ANO10: variants seen among roughly 807,000 people sequenced by gnomAD.
The protein encoded by ANO10 is anoctamin-10.
In ANO10, 77 loss-of-function variants were observed where a neutral mutation model predicts 74.7. That is an observed-to-expected ratio of 1.03 (90% confidence interval 0.86 to 1.25). The LOEUF is 1.25. Among genes scored for constraint, ANO10 ranks in the 50% most tolerant of loss-of-function variants. The pLI is 0.00. For missense variants in ANO10, 721 were observed against 778.1 expected (o/e 0.93, Z 0.87); for synonymous variants, 279 against 284.9 (o/e 0.98, Z 0.21).
chr3:43,561,187 G>A (rs749364383), intron 9 of ANO10, 33 bp downstream of exon 9: 8 of 1,607,960 alleles, frequency 5.0e-6, no homozygotes, highest in Non-Finnish European at 6.8e-6. Flanking sequence ...TTCACTCTCA[G>A]TAAATGTTTA....
At chr3:43,380,479 G>A (rs966705417) in intron 12 of ANO10, among the ~76,000 whole-genome samples, 1 of 151,978 alleles carries the variant, frequency 6.6e-6, no homozygotes, top group Admixed American at 6.5e-5. Flanking sequence ...TAACCTATCA[G>A]ATTAACAGCA....
At chr3:43,586,849 G>T (rs1327796645) in intron 4 of ANO10, among the ~76,000 whole-genome samples, 1 of 152,020 alleles carries the variant, frequency 6.6e-6, no homozygotes, top group Admixed American at 6.6e-5. Flanking sequence ...TCAAAGTCAT[G>T]ATAAAAGCAA....
At chr3:43,432,170 CAG>C (rs2092993051) in intron 12 of ANO10, among the ~76,000 whole-genome samples, 1 of 149,240 alleles carries the variant, frequency 6.7e-6, no homozygotes, top group Non-Finnish European at 1.5e-5. Flanking sequence ...CACTGAGGCA[CAG>C]TTTCTCCTTT....
chr3:43,643,963 C>G (rs148456331), intron 1 of ANO10, among the ~76,000 whole-genome samples: 13 of 152,114 alleles, frequency 8.5e-5, no homozygotes, highest in Non-Finnish European at 2.9e-5. Context: ...GGATTACATG[C>G]GTGAGCCACC....
intron 11 of ANO10, among the ~76,000 whole-genome samples, chr3:43,458,809 T>TC (rs2075253460): frequency 6.6e-6 from 1 of 152,082 alleles, no homozygotes; most frequent in African/African-American, 2.4e-5. Context: ...CCCTCCCCTT[T>TC]CCCCCTACCC....
chr3:43,642,950 T>G (rs1247007688), intron 1 of ANO10, among the ~76,000 whole-genome samples: 1 of 152,224 alleles, frequency 6.6e-6, no homozygotes, highest in Non-Finnish European at 1.5e-5. Context: ...ATTTCTAATC[T>G]TTTGCTACTG....
At chr3:43,439,308 G>C (rs2093123510) in intron 11 of ANO10, among the ~76,000 whole-genome samples, 1 of 151,080 alleles carries the variant, frequency 6.6e-6, no homozygotes. Context: ...AAATGTAGGA[G>C]AGAAATAAAG....
chr3:43,531,118 T>C (rs2078448876), intron 11 of ANO10, among the ~76,000 whole-genome samples: 1 of 152,226 alleles, frequency 6.6e-6, no homozygotes, highest in Admixed American at 6.5e-5. Context: ...AATAAGTCTG[T>C]GGTCACTAGC....
At chr3:43,493,100 T>C (rs1210408004) in intron 11 of ANO10, among the ~76,000 whole-genome samples, 1 of 152,182 alleles carries the variant, frequency 6.6e-6, no homozygotes, top group Admixed American at 6.5e-5. Context: ...TGGAATACTA[T>C]GCAGCCATAA....
At chr3:43,608,171 G>C (rs2082648161) in intron 1 of ANO10, among the ~76,000 whole-genome samples, 1 of 152,046 alleles carries the variant, frequency 6.6e-6, no homozygotes, top group African/African-American at 2.4e-5. Context: ...CATCAGAAAA[G>C]CCAAGAGAGA....
At chr3:43,596,914 C>T (rs1374769943) in intron 4 of ANO10, among the ~76,000 whole-genome samples, 2 of 152,234 alleles carry the variant, frequency 1.3e-5, no homozygotes, top group South Asian at 4.1e-4. Context: ...AACAAATTTA[C>T]AAGAAAAAAT....
At chr3:43,680,466 T>A (rs1433638542) in intron 1 of ANO10, among the ~76,000 whole-genome samples, 1 of 152,190 alleles carries the variant, frequency 6.6e-6, no homozygotes, top group Admixed American at 6.5e-5. Context: ...TTGCTGTACC[T>A]GAAAGTGACG....
intron 1 of ANO10, among the ~76,000 whole-genome samples, chr3:43,673,159 T>A (rs939845628): frequency 6.6e-6 from 1 of 152,224 alleles, no homozygotes; most frequent in Non-Finnish European, 1.5e-5. Context: ...TATGCATCCC[T>A]GCAGAGCTAA....
intron 11 of ANO10, among the ~76,000 whole-genome samples, chr3:43,477,701 A>G (rs1164270116): frequency 1.3e-5 from 2 of 152,134 alleles, no homozygotes; most frequent in African/African-American, 4.8e-5. Context: ...CATCCCCTAT[A>G]CTGTCAGTCG....
intron 11 of ANO10, among the ~76,000 whole-genome samples, chr3:43,492,133 C>T (rs981466799): frequency 4.6e-5 from 7 of 152,270 alleles, no homozygotes; most frequent in Non-Finnish European, 8.8e-5. Flanking sequence ...AGAAATAACA[C>T]CACACATCTA....
Position 43,566,078 on chromosome 3 carries a change from G to A in ANO10, c.1219-351C>T, listed in dbSNP as rs528347362. 1.4e-4 allele frequency among the ~76,000 whole-genome samples: 22 copies of A among 152,246 alleles called. 1 individual carries two copies. Among genetic ancestry groups the A allele is most frequent in the African/African-American group, 3.9e-4 (16 of 41,544 alleles). ...TGAGTCAAAGAAAGGGGTGACGGAC[G>A]GCACCTGGAAAATCGGGTCACTCCC... On this transcript the variant is annotated intron_variant, in intron 7 of 12. Transcript: ENST00000292246.
At chr3:43,561,545 A>T in intron 8 of ANO10, 143 bp from the exon 9 acceptor site, 1 of 790,388 alleles carries the variant, frequency 1.3e-6, no homozygotes, top group Non-Finnish European at 2.0e-6. Context: ...TTCAATAAAT[A>T]GCATACTATT....
chr3:43,586,785 T>C (rs1374217645), intron 4 of ANO10, among the ~76,000 whole-genome samples: 1 of 151,974 alleles, frequency 6.6e-6, no homozygotes, highest in Admixed American at 6.6e-5. Flanking sequence ...CTCTGAGAGC[T>C]GAAGGAGAGA....
intron 11 of ANO10, among the ~76,000 whole-genome samples, chr3:43,532,601 T>C (rs1310756078): frequency 2.0e-5 from 3 of 152,176 alleles, no homozygotes; most frequent in East Asian, 3.8e-4. Flanking sequence ...GACTGGTGTA[T>C]TGTTTTATGA....
Sources: gnomAD v4.1 joint callset for allele counts (sites outside exome capture counted in the v4.1 genomes callset) on GRCh38, gnomAD v4.1.1 for gene constraint, MANE v1.5 for transcripts, NCBI Gene and HGNC (gene_info 2026-07-23, HGNC 2026-07-21) for gene names.